MYO9A: variants seen among roughly 807,000 people sequenced by gnomAD.
MYO9A encodes unconventional myosin-IXa.
In MYO9A, 103 loss-of-function variants were observed where a neutral mutation model predicts 293.3. The observed-to-expected ratio is 0.35, with a 90% CI of 0.30 to 0.41. The LOEUF is 0.41. Among genes scored for constraint, MYO9A ranks in the 10% least tolerant of loss-of-function variants. The pLI is 1.00. For synonymous variants in MYO9A, 1,001 were observed against 1,035.7 expected (o/e 0.97, Z 0.64); for missense variants, 2,685 against 3,033.0 (o/e 0.89, Z 2.69).
intron 41 of MYO9A, 42 bp downstream of exon 41, chr15:71,827,842 G>A: frequency 6.4e-7 from 1 of 1,570,740 alleles, no homozygotes; most frequent in Non-Finnish European, 8.6e-7. Flanking sequence ...TTCCTCCTTT[G>A]CAAAACAAAT....
At chr15:71,957,506 T>TATTTAAATC (rs1383784645) in intron 14 of MYO9A, among the ~76,000 whole-genome samples, 1 of 152,140 alleles carries the variant, frequency 6.6e-6, no homozygotes, top group Non-Finnish European at 1.5e-5. Flanking sequence ...AACAAAAGTT[T>TATTTAAATC]ATTTAAATCT....
chr15:72,071,507 A>G (rs147224167), intron 1 of MYO9A, among the ~76,000 whole-genome samples: 4 of 152,296 alleles, frequency 2.6e-5, no homozygotes, highest in African/African-American at 7.2e-5. Flanking sequence ...TTGGCAGGCC[A>G]AGGCAGGTGG....
intron 20 of MYO9A, 46 bp downstream of exon 20, chr15:71,904,880 T>C: frequency 7.1e-7 from 1 of 1,415,638 alleles, no homozygotes; most frequent in Non-Finnish European, 9.8e-7. Flanking sequence ...AAAGCTCAGT[T>C]TGAAGTAAGC....
intron 32 of MYO9A, among the ~76,000 whole-genome samples, chr15:71,867,342 A>T (rs1004482604): frequency 6.6e-6 from 1 of 152,182 alleles, no homozygotes; most frequent in African/African-American, 2.4e-5. Flanking sequence ...AAGTGAGGAA[A>T]GTCTTAACTA....
At chr15:72,064,691 CA>C (rs2078969439) in intron 1 of MYO9A, among the ~76,000 whole-genome samples, 1 of 152,024 alleles carries the variant, frequency 6.6e-6, no homozygotes, top group African/African-American at 2.4e-5. Context: ...AAGAATAAAA[CA>C]AAATATACGT....
rs1019751125 is a variant in MYO9A, at chr15:71,968,107, A to T, written c.1863T>A (p.Asn621Lys). The T allele has an allele frequency of 6.3e-7, 1 of 1,584,210 alleles. No individual in the cohort carries two copies. Among genetic ancestry groups the T allele is most frequent in the Non-Finnish European group, 8.6e-7 (1 of 1,167,564 alleles). ...DEESNFPQAT[N>K]QTLLDKFKHQ... is the part of the protein sequence containing the mutation. ...GCTTAAACTTGTCTAGCAATGTTTG[A>T]TTTGTAGCCTGTGGAAAGCTGAATT... is the stretch of plus-strand genomic sequence containing the variant. Residue 621 changes from asparagine (N) to lysine (K), a missense_variant, in exon 13 of 42, where the codon AAT becomes AAA. By Grantham distance (94) the Asn-to-Lys change is moderately conservative (BLOSUM62 0). This residue lies in a region of MYO9A where 201 missense variants were observed against 245.2 expected (regional missense o/e 0.82). Coordinates refer to ENST00000356056, the MANE Select transcript of MYO9A (RefSeq NM_006901.4).
chr15:71,838,626 C>G (rs1368482282), intron 39 of MYO9A, among the ~76,000 whole-genome samples: 1 of 152,142 alleles, frequency 6.6e-6, no homozygotes, highest in African/African-American at 2.4e-5. Context: ...TAGTAGGTCT[C>G]AAGTCCTACT....
intron 1 of MYO9A, among the ~76,000 whole-genome samples, chr15:72,090,225 A>C (rs1332739599): frequency 6.6e-6 from 1 of 152,206 alleles, no homozygotes; most frequent in East Asian, 1.9e-4. Context: ...AAGCTTCTCT[A>C]AGCTTTAGAA....
intron 11 of MYO9A, among the ~76,000 whole-genome samples, chr15:71,978,949 G>T (rs1249998414): frequency 6.6e-6 from 1 of 151,276 alleles, no homozygotes; most frequent in Non-Finnish European, 1.5e-5. Flanking sequence ...TTTTTAGATG[G>T]TTTTTTTAAG....
intron 18 of MYO9A, among the ~76,000 whole-genome samples, chr15:71,930,222 C>A (rs1215858712): frequency 6.6e-6 from 1 of 152,046 alleles, no homozygotes; most frequent in African/African-American, 2.4e-5. Context: ...TGCATTTGGT[C>A]CACTGTTTTC....
At chr15:72,090,313 T>A (rs1243484995) in intron 1 of MYO9A, among the ~76,000 whole-genome samples, 1 of 152,208 alleles carries the variant, frequency 6.6e-6, no homozygotes, top group Non-Finnish European at 1.5e-5. Flanking sequence ...GTATATTAAA[T>A]ATACCATGCA....
intron 1 of MYO9A, among the ~76,000 whole-genome samples, chr15:72,100,218 CA>C (rs1308757194): frequency 6.6e-6 from 1 of 151,066 alleles, no homozygotes; most frequent in Non-Finnish European, 1.5e-5. Context: ...CCTGTCTCTA[CA>C]AAAAATAGAA....
At chr15:72,083,968 T>C (rs1373540734) in intron 1 of MYO9A, among the ~76,000 whole-genome samples, 7 of 152,344 alleles carry the variant, frequency 4.6e-5, no homozygotes, top group Middle Eastern at 6.8e-3. Context: ...ATGTATATTC[T>C]GTTGTTTTGG....
rs375486722 is a variant in MYO9A, at chr15:71,861,729, T to C, written c.6091+771A>G. ...AATAAGTTTCCTGACCTATAGAGCA[T>C]ATATTTTAGAGGTGTAGACTGAAAA... On this transcript the variant is annotated intron_variant, in intron 33 of 41. Coordinates refer to ENST00000356056, the MANE Select transcript of MYO9A (RefSeq NM_006901.4). Among the ~76,000 whole-genome samples, 14 of 139,372 alleles carry C rather than the reference T, an allele frequency of 1.0e-4. No homozygotes were observed. The East Asian group carries it at 1.2e-3, about 12-fold the overall frequency. 91.4% of individuals were successfully genotyped at this position (139,372 alleles called of 152,430 possible).
intron 6 of MYO9A, among the ~76,000 whole-genome samples, chr15:72,013,841 C>T (rs868860926): frequency 3.3e-5 from 5 of 152,328 alleles, no homozygotes; most frequent in South Asian, 4.1e-4. Flanking sequence ...GAGTCTCACT[C>T]TGTTGCCGAG....
intron 2 of MYO9A, chr15:72,041,433 CA>C: frequency 2.9e-6 from 1 of 343,154 alleles, no homozygotes; most frequent in Non-Finnish European, 5.7e-6. Context: ...AACAGAAGGA[CA>C]AATATCTTCT....
intron 11 of MYO9A, among the ~76,000 whole-genome samples, chr15:71,985,440 G>C (rs1387207108): frequency 6.6e-6 from 1 of 152,078 alleles, no homozygotes; most frequent in Non-Finnish European, 1.5e-5. Flanking sequence ...AACCTAATTG[G>C]GAACTGAGAT....
At chr15:72,058,835 G>C (rs891655232) in intron 1 of MYO9A, among the ~76,000 whole-genome samples, 5 of 151,868 alleles carry the variant, frequency 3.3e-5, no homozygotes, top group Non-Finnish European at 7.4e-5. Flanking sequence ...AAGAAAACAG[G>C]GAATAAAGAG....
At chr15:71,997,801 GT>G (rs2076741948) in intron 9 of MYO9A, among the ~76,000 whole-genome samples, 1 of 151,902 alleles carries the variant, frequency 6.6e-6, no homozygotes, top group African/African-American at 2.4e-5. Context: ...AATGGCTATT[GT>G]TAAAAAGTCA....
Sources: allele counts gnomAD v4.1 joint callset (sites outside exome capture counted in the v4.1 genomes callset), GRCh38; gene constraint gnomAD v4.1.1; regional missense constraint gnomAD v4.1.1; transcripts MANE v1.5; gene names NCBI Gene and HGNC (gene_info 2026-07-23, HGNC 2026-07-21).